The following TTC6 variants were observed in gnomAD, a reference collection of about 807,000 sequenced individuals.
TTC6 encodes tetratricopeptide repeat domain 6.
In TTC6, 172 loss-of-function variants were observed where a neutral mutation model predicts 210.4. The observed-to-expected ratio is 0.82, with a 90% CI of 0.72 to 0.93. The LOEUF (loss-of-function observed/expected upper bound fraction) is 0.93, where lower values mean the gene tolerates loss of function less well. Ranked by LOEUF, TTC6 falls within the 40% of genes least tolerant of loss-of-function variation. TTC6 has a pLI of 0.00. For synonymous variants in TTC6, 804 were observed against 819.6 expected, an observed-to-expected ratio of 0.98 and a Z score of 0.32; for missense variants, 2,414 against 2,318.1, an observed-to-expected ratio of 1.04 and a Z score of -0.85.
At chr14:37,768,619 T>G (rs1595227522) in intron 14 of TTC6, among the ~76,000 whole-genome samples, 1 of 151,226 alleles carries the variant, frequency 6.6e-6, no homozygotes, top group African/African-American at 2.4e-5. Flanking sequence ...TGTTGGTGTA[T>G]AAGAATGCTT....
At chr14:37,641,950 G>T (rs1566858681) in intron 1 of TTC6, among the ~76,000 whole-genome samples, 1 of 152,206 alleles carries the variant, frequency 6.6e-6, no homozygotes, top group African/African-American at 2.4e-5. Flanking sequence ...TAGTTCTTCT[G>T]ACAGCCAGTC....
chr14:37,807,392 G>C (rs1205545800), exon 23 of TTC6: 2 of 1,530,370 alleles, frequency 1.3e-6, no homozygotes, highest in Non-Finnish European at 1.7e-6. Context: ...TTGTAACAAG[G>C]CTATTAAAAT....
chr14:37,600,491 C>A (rs1020282512), intron 1 of TTC6, among the ~76,000 whole-genome samples: 1 of 152,084 alleles, frequency 6.6e-6, no homozygotes, highest in African/African-American at 2.4e-5. Context: ...TCCACTCGCG[C>A]CCCTCCCCCC....
chr14:37,605,949 AC>A (rs1229761841), intron 1 of TTC6, among the ~76,000 whole-genome samples: 1 of 151,270 alleles, frequency 6.6e-6, no homozygotes, highest in Non-Finnish European at 1.5e-5. Context: ...TGCCTTAAGA[AC>A]CCCCGAGGTC....
chr14:37,810,101 G>A (rs1048958000), intron 24 of TTC6, among the ~76,000 whole-genome samples: 4 of 152,230 alleles, frequency 2.6e-5, no homozygotes, highest in African/African-American at 9.6e-5. Flanking sequence ...CTACCTGAGA[G>A]GATGTAAAAT....
chr14:37,620,692 A>G, upstream of TTC6, among the ~76,000 whole-genome samples: 1 of 152,322 alleles, frequency 6.6e-6, no homozygotes, highest in East Asian at 1.9e-4. Flanking sequence ...ACATAACAAA[A>G]TTTGTCCTCT....
chr14:37,685,556 G>A (rs1377304497), intron 3 of TTC6, among the ~76,000 whole-genome samples: 3 of 152,170 alleles, frequency 2.0e-5, no homozygotes, highest in Non-Finnish European at 4.4e-5. Flanking sequence ...GAAAAAGGTT[G>A]AGGTTTTAAA....
intron 15 of TTC6, among the ~76,000 whole-genome samples, chr14:37,790,157 A>T (rs528322005): frequency 6.6e-6 from 1 of 152,172 alleles, no homozygotes; most frequent in East Asian, 1.9e-4. Flanking sequence ...GGATGTGCAT[A>T]GTCAAGCCGT....
chr14:37,685,613 T>G (rs2095792177), intron 3 of TTC6, among the ~76,000 whole-genome samples: 1 of 152,204 alleles, frequency 6.6e-6, no homozygotes, highest in African/African-American at 2.4e-5. Flanking sequence ...AAACTTATGC[T>G]TTGTGTCTTT....
chr14:37,685,395 G>T (rs1279573972), intron 3 of TTC6, among the ~76,000 whole-genome samples: 2 of 152,160 alleles, frequency 1.3e-5, no homozygotes, highest in Non-Finnish European at 2.9e-5. Context: ...TCCAGAATGG[G>T]TTTAGTCCTA....
At chr14:37,711,795 G>T (rs1448295686) in intron 5 of TTC6, among the ~76,000 whole-genome samples, 1 of 152,144 alleles carries the variant, frequency 6.6e-6, no homozygotes, top group African/African-American at 2.4e-5. Flanking sequence ...GGAGGTAAGG[G>T]ACCAGCAAAG....
intron 29 of TTC6, among the ~76,000 whole-genome samples, chr14:37,829,273 A>T (rs1309906454): frequency 6.6e-6 from 1 of 152,024 alleles, no homozygotes; most frequent in East Asian, 1.9e-4. Context: ...TTTTGGCATG[A>T]TCAATACATT....
In TTC6 at chr14:37,807,308, C is replaced by A; in HGVS notation, c.4315-12C>A. ...GCATCCATTCCTGCTTTCTCTCTCT[C>A]TCTCTGAATAGGCATATTTAAGCCG... On this transcript the variant is annotated splice_polypyrimidine_tract_variant and intron_variant, in intron 22 of 30. Coordinates refer to ENST00000553443, the Ensembl canonical transcript of TTC6. 1 of 1,502,982 alleles carries A rather than the reference C, an allele frequency of 6.7e-7. No homozygotes were observed. The highest frequency in any genetic ancestry group is 8.9e-7 in the Non-Finnish European group (1 of 1,123,526). 93.1% of individuals were successfully genotyped at this position (1,502,982 alleles called of 1,614,324 possible).
At chr14:37,746,462 ACTC>A (rs2095936313) in intron 10 of TTC6, among the ~76,000 whole-genome samples, 2 of 152,042 alleles carry the variant, frequency 1.3e-5, no homozygotes, top group Admixed American at 1.3e-4. Context: ...AAGTTCTAGA[ACTC>A]CACCCTAGGT....
intron 13 of TTC6, among the ~76,000 whole-genome samples, chr14:37,752,038 G>C (rs984227048): frequency 1.3e-5 from 2 of 151,960 alleles, no homozygotes; most frequent in African/African-American, 4.8e-5. Flanking sequence ...TGTTCGCCAG[G>C]ATGGTCTCGA....
intron 3 of TTC6, among the ~76,000 whole-genome samples, chr14:37,689,772 G>GCT (rs2095800227): frequency 6.6e-6 from 1 of 152,026 alleles, no homozygotes; most frequent in African/African-American, 2.4e-5. Flanking sequence ...ACAAACAAAA[G>GCT]CTGAGGCATT....
intron 14 of TTC6, among the ~76,000 whole-genome samples, chr14:37,783,444 G>T (rs1441769319): frequency 2.6e-5 from 4 of 152,166 alleles, no homozygotes; most frequent in East Asian, 1.9e-4. Flanking sequence ...TTCTCTGATG[G>T]TAGTGTGTAT....
rs138362079 is a variant in TTC6, at chr14:37,772,883, A to C, written c.3267-14585A>C. Among the ~76,000 whole-genome samples, 785 of 152,294 alleles carry C rather than the reference A, an allele frequency of 5.2e-3. 7 individuals are homozygous for C. Among genetic ancestry groups the C allele is most frequent in the African/African-American group, 0.018 (739 of 41,554 alleles). Reference sequence around the variant, plus strand: ...TAGTTTACATCCCCACTAGCAGTCTATAAGCATTCCCTTTTCTTGGCAACC... The same window carrying C: ...TAGTTTACATCCCCACTAGCAGTCTCTAAGCATTCCCTTTTCTTGGCAACC... On this transcript the variant is annotated intron_variant, in intron 14 of 30. Coordinates refer to ENST00000553443, the Ensembl canonical transcript of TTC6.
At chr14:37,840,605 T>G (rs939453404) in intron 29 of TTC6, among the ~76,000 whole-genome samples, 1 of 152,068 alleles carries the variant, frequency 6.6e-6, no homozygotes, top group South Asian at 2.1e-4. Context: ...CTCAATAAAA[T>G]ACTGGCAAAC....
Sources: gnomAD v4.1 joint callset for allele counts (sites outside exome capture counted in the v4.1 genomes callset) on GRCh38, gnomAD v4.1.1 for gene constraint, MANE v1.5 for transcripts, NCBI Gene and HGNC (gene_info 2026-07-23, HGNC 2026-07-21) for gene names.